The following LPP variants were observed in gnomAD, a reference collection of about 807,000 sequenced individuals.
LPP encodes lipoma-preferred partner.
Under a neutral mutation model 60.4 loss-of-function variants are expected in LPP, and 38 were observed. The ratio of observed to expected loss-of-function variants is 0.63; its 90% CI spans 0.49 to 0.83. LPP has a LOEUF of 0.83. Ranked by LOEUF, LPP falls within the 40% of genes least tolerant of loss-of-function variation. The pLI, the probability that LPP is intolerant of heterozygous loss-of-function variation, is 0.00. For missense variants in LPP, 902 were observed against 783.6 expected (o/e 1.15, Z -1.80); for synonymous variants, 328 against 290.8 (o/e 1.13, Z -1.30).
At chr3:188,410,857 A>G (rs556438108) in intron 4 of LPP, among the ~76,000 whole-genome samples, 3 of 152,174 alleles carry the variant, frequency 2.0e-5, no homozygotes, top group South Asian at 2.1e-4. Context: ...AGCAGTGTAC[A>G]CTGTAGTCTT....
chr3:188,586,396 T>A (rs1837454641), intron 6 of LPP, among the ~76,000 whole-genome samples: 1 of 152,182 alleles, frequency 6.6e-6, no homozygotes, highest in Admixed American at 6.5e-5. Context: ...ACAAGCACAG[T>A]AAATTATGAA....
chr3:188,658,066 G>C (rs1014273186), intron 7 of LPP, among the ~76,000 whole-genome samples: 1 of 147,482 alleles, frequency 6.8e-6, no homozygotes, highest in Non-Finnish European at 1.5e-5. Context: ...CAACGAATGA[G>C]TAACCAGTGT....
chr3:188,617,910 T>C (rs911334788), intron 7 of LPP, among the ~76,000 whole-genome samples: 2 of 152,224 alleles, frequency 1.3e-5, no homozygotes, highest in African/African-American at 2.4e-5. Flanking sequence ...ATATATTCCT[T>C]TGGGAATCTC....
intron 3 of LPP, among the ~76,000 whole-genome samples, chr3:188,360,357 T>C (rs1768911323): frequency 6.6e-6 from 1 of 152,140 alleles, no homozygotes; most frequent in Non-Finnish European, 1.5e-5. Context: ...AGACCTCTGT[T>C]TTCCAGGATA....
At chr3:188,354,824 C>T (rs941772327) in intron 3 of LPP, among the ~76,000 whole-genome samples, 4 of 62,986 alleles carry the variant, frequency 6.4e-5, no homozygotes, top group African/African-American at 2.3e-4. Context: ...CGTGCGCGCA[C>T]ACACACACAC....
At chr3:188,840,319 A>G (rs999932815) in intron 9 of LPP, among the ~76,000 whole-genome samples, 2 of 152,190 alleles carry the variant, frequency 1.3e-5, no homozygotes, top group Non-Finnish European at 2.9e-5. Flanking sequence ...CCTACATACA[A>G]CTACATCTTC....
At chr3:188,284,637 A>G (rs1743283320) in intron 2 of LPP, among the ~76,000 whole-genome samples, 1 of 152,190 alleles carries the variant, frequency 6.6e-6, no homozygotes, top group African/African-American at 2.4e-5. Flanking sequence ...GTACCCACAT[A>G]CGTGCATGTG....
chr3:188,707,405 G>T (rs935858759), intron 7 of LPP, among the ~76,000 whole-genome samples: 4 of 152,090 alleles, frequency 2.6e-5, no homozygotes, highest in Admixed American at 1.3e-4. Context: ...CTGCCCCCCT[G>T]CCCAACCTGG....
chr3:188,800,434 G>A (rs564135889), intron 9 of LPP, among the ~76,000 whole-genome samples: 1,636 of 151,546 alleles, frequency 0.011, 21 homozygotes, highest in African/African-American at 0.017. Flanking sequence ...TTTAGTAGAG[G>A]TGGGGTTTCA....
At chr3:188,503,872 G>C (rs1001290807) in intron 5 of LPP, among the ~76,000 whole-genome samples, 6 of 152,090 alleles carry the variant, frequency 3.9e-5, no homozygotes, top group Admixed American at 3.9e-4. Context: ...TTCTCCGGTT[G>C]TCTTTGTCTT....
chr3:188,239,515 A>G (rs1723102010), intron 2 of LPP, among the ~76,000 whole-genome samples: 1 of 152,158 alleles, frequency 6.6e-6, no homozygotes, highest in South Asian at 2.1e-4. Flanking sequence ...TACTATCGCT[A>G]TTGGTTTTAA....
At chr3:188,238,837 A>C (rs570493046) in intron 2 of LPP, among the ~76,000 whole-genome samples, 1 of 152,342 alleles carries the variant, frequency 6.6e-6, no homozygotes, top group East Asian at 1.9e-4. Context: ...CTGTTGGAAA[A>C]ATTGTACCTA....
At chr3:188,797,246 C>G (rs3846186) in intron 9 of LPP, among the ~76,000 whole-genome samples, 105,013 of 151,928 alleles carry the variant, frequency 0.69, 36,642 homozygotes, top group East Asian at 0.91. Flanking sequence ...AAGTCAATAG[C>G]GTGAGAAGTC....
At chr3:188,241,168 G>C (rs1724588807) in intron 2 of LPP, among the ~76,000 whole-genome samples, 1 of 152,186 alleles carries the variant, frequency 6.6e-6, no homozygotes, top group African/African-American at 2.4e-5. Context: ...GACACTCTAG[G>C]AGCAGAAGGT....
chr3:188,758,923 A>T (rs560143704), intron 8 of LPP, among the ~76,000 whole-genome samples: 1 of 152,230 alleles, frequency 6.6e-6, no homozygotes, highest in Non-Finnish European at 1.5e-5. Flanking sequence ...AAATGAGTTA[A>T]TATATCTAAA....
chr3:188,857,186 A>G (rs1158435111), intron 9 of LPP, among the ~76,000 whole-genome samples: 1 of 152,234 alleles, frequency 6.6e-6, no homozygotes, highest in Non-Finnish European at 1.5e-5. Flanking sequence ...ATGTGAGGTG[A>G]GACAGTTGGA....
At chr3:188,244,524 T>C (rs1726162502) in intron 2 of LPP, among the ~76,000 whole-genome samples, 1 of 152,204 alleles carries the variant, frequency 6.6e-6, no homozygotes, top group Non-Finnish European at 1.5e-5. Context: ...CTGTGATTCA[T>C]CAAAGCAATT....
At chr3:188,749,546 C>T (rs920290970) in intron 8 of LPP, among the ~76,000 whole-genome samples, 1 of 152,126 alleles carries the variant, frequency 6.6e-6, no homozygotes, top group African/African-American at 2.4e-5. Flanking sequence ...GGGAGAATAG[C>T]ACCATCTTTG....
chr3:188,202,664 C>T (rs925022002), intron 1 of LPP, among the ~76,000 whole-genome samples: 4 of 152,150 alleles, frequency 2.6e-5, no homozygotes, highest in African/African-American at 7.2e-5. Context: ...CCTGTGCTGT[C>T]CTGTAGGGTT....
Sources: allele counts gnomAD v4.1 joint callset (sites outside exome capture counted in the v4.1 genomes callset), GRCh38; gene constraint gnomAD v4.1.1; transcripts MANE v1.5; gene names NCBI Gene and HGNC (gene_info 2026-07-23, HGNC 2026-07-21).